Variants in COG5 observed in about 807,000 individuals in gnomAD.
COG5 encodes the protein component of oligomeric golgi complex 5, also known as conserved oligomeric Golgi complex subunit 5.
Under a neutral mutation model 110.4 loss-of-function variants are expected in COG5, and 86 were observed. That is an observed-to-expected ratio of 0.78 (90% CI 0.65 to 0.93). The LOEUF is 0.93. Among genes scored for constraint, COG5 ranks in the 40% least tolerant of loss-of-function variants. COG5 has a pLI of 0.00. For synonymous variants in COG5, 360 were observed against 334.6 expected, an observed-to-expected ratio of 1.08 and a Z score of -0.83; for missense variants, 1,077 against 987.0, an observed-to-expected ratio of 1.09 and a Z score of -1.22.
At chr7:107,274,725 G>A (rs1012023465) in intron 14 of COG5, among the ~76,000 whole-genome samples, 4 of 152,120 alleles carry the variant, frequency 2.6e-5, no homozygotes, top group Admixed American at 6.5e-5. Context: ...CGCCAACAGC[G>A]GTTGTTGGTT....
At position 107,300,642 on chromosome 7, in the gene COG5, A is replaced by G. The variant is rs75532343; in HGVS notation, c.1109-2296T>C. 1.0e-3 allele frequency among the ~76,000 whole-genome samples: 154 copies of G among 152,280 alleles called. 2 individuals are homozygous for G. The East Asian group carries it at 0.024, about 23-fold the overall frequency. ...AATGGGAAATAGCTGCACACTGAAA[A>G]CTACAAAAACAATGCTGAGATGAAG... is the stretch of plus-strand genomic sequence containing the variant. On this transcript the variant is annotated intron_variant, in intron 11 of 21. Transcript: ENST00000297135.
At position 107,551,992 on chromosome 7, in the gene COG5, T is replaced by C. The variant is rs377624677; in HGVS notation, c.292+2293A>G. 3.5e-4 allele frequency among the ~76,000 whole-genome samples: 54 copies of C among 152,346 alleles called. 1 individual carries two copies. In the South Asian group the frequency reaches 0.011, roughly 30 times the overall value. The stretch of plus-strand genomic sequence containing the variant: ...TCATAGGAAAAAAGTAGCCAGCCTT[T>C]GTACTCTACACACTCACACAAGAGA... On this transcript the variant is annotated intron_variant, in intron 3 of 21. Coordinates refer to ENST00000297135, the MANE Select transcript of COG5 (RefSeq NM_006348.5).
intron 6 of COG5, among the ~76,000 whole-genome samples, chr7:107,487,138 G>A (rs73724521): frequency 0.013 from 1,979 of 151,838 alleles, 49 homozygotes; most frequent in African/African-American, 0.045. Flanking sequence ...GAATAAACTG[G>A]GAAACACATT....
At chr7:107,354,437 G>A (rs1218331850) in intron 10 of COG5, among the ~76,000 whole-genome samples, 1 of 152,182 alleles carries the variant, frequency 6.6e-6, no homozygotes, top group East Asian at 1.9e-4. Flanking sequence ...CCAGCACTTT[G>A]GGAAGCCAAG....
chr7:107,296,891 T>C (rs1806795159), intron 12 of COG5, among the ~76,000 whole-genome samples: 1 of 152,224 alleles, frequency 6.6e-6, no homozygotes, highest in Non-Finnish European at 1.5e-5. Flanking sequence ...CTGCTACTGC[T>C]TTAGCCAGCC....
At chr7:107,492,169 G>C (rs1202653985) in intron 6 of COG5, among the ~76,000 whole-genome samples, 1 of 22,272 alleles carries the variant, frequency 4.5e-5, no homozygotes, top group East Asian at 1.5e-3. Context: ...ACAATGGGTA[G>C]TGTGTGTGTG....
chr7:107,347,211 G>A (rs539679577), intron 10 of COG5, among the ~76,000 whole-genome samples: 3 of 152,244 alleles, frequency 2.0e-5, no homozygotes, highest in East Asian at 3.9e-4. Flanking sequence ...TTAAAAAGAG[G>A]TATTACGTAT....
chr7:107,555,211 G>A (rs1001553405), intron 2 of COG5, among the ~76,000 whole-genome samples: 2 of 152,134 alleles, frequency 1.3e-5, no homozygotes, highest in South Asian at 4.1e-4. Context: ...GGGCACTGCA[G>A]ATGGCCAGAA....
intron 16 of COG5, among the ~76,000 whole-genome samples, chr7:107,251,092 C>T (rs1203013533): frequency 7.4e-6 from 1 of 134,242 alleles, no homozygotes; most frequent in Non-Finnish European, 1.5e-5. Flanking sequence ...ACATCATAAA[C>T]TGTTGAAAAC....
rs78820222 is a variant in COG5, at chr7:107,431,065, G to A, written c.539-18433C>T. Among the ~76,000 whole-genome samples the A allele has an allele frequency of 1.2e-3, 187 of 152,200 alleles. 6 individuals are homozygous for A. In the East Asian group the frequency reaches 0.034, roughly 27 times the overall value. On this transcript the variant is annotated intron_variant, in intron 6 of 21. Transcript: ENST00000297135. ...ACAGAAAACTAACTTACAGTGTTCC[G>A]AAGGAACCAGCTCTGCTGACATTTT... is the stretch of plus-strand genomic sequence containing the variant.
At position 107,480,761 on chromosome 7, in the gene COG5, T is replaced by G. The variant is rs530458583; in HGVS notation, c.538+46476A>C. ...CAGAATAAATATTAAATATTACAAT[T>G]TACAGATATTTAGAACAAAATGGCA... On this transcript the variant is annotated intron_variant, in intron 6 of 21. Transcript: ENST00000297135. 34 of 152,162 alleles carry G rather than the reference T, an allele frequency of 2.2e-4. 1 individual carries two copies. Among genetic ancestry groups the G allele is most frequent in the African/African-American group, 7.0e-4 (29 of 41,504 alleles). The allele number at this position is 152,162 out of a possible 1,614,324, so 9.4% of individuals were successfully genotyped here.
intron 6 of COG5, among the ~76,000 whole-genome samples, chr7:107,434,905 G>C (rs1200917428): frequency 2.0e-5 from 3 of 151,548 alleles, no homozygotes; most frequent in Admixed American, 6.6e-5. Flanking sequence ...GGGAGGCGGA[G>C]ATTGCAGTGA....
chr7:107,231,786 T>C (rs1562924662), intron 18 of COG5, among the ~76,000 whole-genome samples: 1 of 152,216 alleles, frequency 6.6e-6, no homozygotes, highest in Non-Finnish European at 1.5e-5. Flanking sequence ...ATATGAGGAT[T>C]AGATGATTAG....
intron 8 of COG5, among the ~76,000 whole-genome samples, chr7:107,367,640 T>G (rs1314306477): frequency 1.3e-5 from 2 of 151,962 alleles, no homozygotes; most frequent in Non-Finnish European, 2.9e-5. Flanking sequence ...TTGCAGCAAC[T>G]TGGATGGAAC....
chr7:107,468,704 T>C (rs1228164351), intron 6 of COG5, among the ~76,000 whole-genome samples: 2 of 152,156 alleles, frequency 1.3e-5, no homozygotes, highest in Non-Finnish European at 2.9e-5. Context: ...CAGTGGAAGA[T>C]TATAAAAATG....
chr7:107,455,866 A>T (rs10267425), intron 6 of COG5, among the ~76,000 whole-genome samples: 101,014 of 151,992 alleles, frequency 0.66, 35,571 homozygotes, highest in African/African-American at 0.91. Context: ...CTATCTCTGC[A>T]CACTGCAACC....
intron 5 of COG5, among the ~76,000 whole-genome samples, chr7:107,541,525 T>A (rs56270061): frequency 0.041 from 2,870 of 69,974 alleles, 92 homozygotes; most frequent in Middle Eastern, 0.053. Context: ...AAAAAAAAAA[T>A]ATATATATAT....
intron 6 of COG5, among the ~76,000 whole-genome samples, chr7:107,461,612 G>A (rs1441356286): frequency 6.6e-6 from 1 of 152,072 alleles, no homozygotes; most frequent in African/African-American, 2.4e-5. Context: ...AGATTGAAAA[G>A]GATGACATAA....
At chr7:107,227,579 T>C (rs1482374469) in intron 19 of COG5, among the ~76,000 whole-genome samples, 1 of 152,162 alleles carries the variant, frequency 6.6e-6, no homozygotes, top group Non-Finnish European at 1.5e-5. Context: ...TGGCTTAAAA[T>C]AGATGTCTTA....
Sources: gnomAD v4.1 joint callset for allele counts (sites outside exome capture counted in the v4.1 genomes callset) on GRCh38, gnomAD v4.1.1 for gene constraint, MANE v1.5 for transcripts, NCBI Gene and HGNC (gene_info 2026-07-23, HGNC 2026-07-21) for gene names.